LTBP1: variants seen among roughly 807,000 people sequenced by gnomAD.
The protein encoded by LTBP1 is latent transforming growth factor beta binding protein 1, also known as latent-transforming growth factor beta-binding protein 1.
In LTBP1, 129 loss-of-function variants were observed where a neutral mutation model predicts 207.6. That is an observed-to-expected ratio of 0.62 (90% CI 0.54 to 0.72). The LOEUF (loss-of-function observed/expected upper bound fraction) is 0.72. Ranked by LOEUF, LTBP1 falls within the 30% of genes least tolerant of loss-of-function variation. LTBP1 has a pLI of 0.00. For synonymous variants in LTBP1, 963 were observed against 833.7 expected (o/e 1.16, Z -2.67); for missense variants, 2,281 against 2,217.2 (o/e 1.03, Z -0.58).
chr2:33,006,129 C>T (rs1021765850), intron 2 of LTBP1, among the ~76,000 whole-genome samples: 2 of 151,774 alleles, frequency 1.3e-5, no homozygotes, highest in Non-Finnish European at 2.9e-5. Flanking sequence ...TTTAAGAGAT[C>T]GTGGCTTGGT....
intron 12 of LTBP1, among the ~76,000 whole-genome samples, chr2:33,258,159 T>C (rs566435080): frequency 5.6e-4 from 86 of 152,362 alleles, no homozygotes; most frequent in African/African-American, 2.0e-3. Flanking sequence ...CAATGGACTT[T>C]GACTCTCTCT....
At chr2:32,980,564 T>C (rs1395523092) in intron 2 of LTBP1, among the ~76,000 whole-genome samples, 1 of 152,310 alleles carries the variant, frequency 6.6e-6, no homozygotes, top group East Asian at 1.9e-4. Context: ...CTTGAAAAGT[T>C]GTAGTTATTA....
intron 5 of LTBP1, among the ~76,000 whole-genome samples, chr2:33,174,373 G>C (rs1337874241): frequency 6.6e-6 from 1 of 152,066 alleles, no homozygotes; most frequent in Non-Finnish European, 1.5e-5. Flanking sequence ...CAGACAAACA[G>C]AGAGCCAAAT....
chr2:33,068,463 A>T (rs1369695749), intron 3 of LTBP1, among the ~76,000 whole-genome samples: 1 of 152,144 alleles, frequency 6.6e-6, no homozygotes, highest in Non-Finnish European at 1.5e-5. Flanking sequence ...TCCAGAGTCC[A>T]TAGTTTATAT....
rs529283926 is a variant in LTBP1 at position 33,068,941 on chromosome 2, A to G, written c.864-41641A>G. Among the ~76,000 whole-genome samples, 14 of 152,332 alleles carry G rather than the reference A, an allele frequency of 9.2e-5. 1 individual carries two copies. In the South Asian group the frequency reaches 2.9e-3, roughly 32 times the overall value. ...GAAAAAGTTTGCTAACCCCTGATTC[A>G]TATCAATGTTTAACTATTCTAACCA... is the stretch of plus-strand genomic sequence containing the variant. On this transcript the variant is annotated intron_variant, in intron 3 of 33. Coordinates refer to ENST00000404816, the MANE Select transcript of LTBP1 (RefSeq NM_206943.4).
At chr2:33,395,905 A>AT (rs376980446) in intron 32 of LTBP1, among the ~76,000 whole-genome samples, 31,809 of 144,314 alleles carry the variant, frequency 0.22, 3,833 homozygotes, top group African/African-American at 0.3. Flanking sequence ...TTCTAGCCAT[A>AT]TATTTTTTTT....
At chr2:33,166,053 T>C (rs2084887570) in intron 5 of LTBP1, among the ~76,000 whole-genome samples, 1 of 146,240 alleles carries the variant, frequency 6.8e-6, no homozygotes, top group African/African-American at 2.5e-5. Context: ...CACACCCCTC[T>C]ATGAGTAATG....
chr2:33,367,034 T>C (rs1290356769), intron 31 of LTBP1, among the ~76,000 whole-genome samples: 5 of 152,266 alleles, frequency 3.3e-5, no homozygotes, highest in Admixed American at 3.3e-4. Flanking sequence ...TTAAAGACAC[T>C]CACTTTTGAC....
intron 3 of LTBP1, among the ~76,000 whole-genome samples, chr2:33,087,084 CTTTTTTTTTTTT>C (rs35334788): frequency 6.7e-5 from 6 of 88,982 alleles, no homozygotes; most frequent in African/African-American, 1.6e-4. Flanking sequence ...CTCCTTTATG[CTTTTTTTTTTTT>C]TTTTTTTTTT....
At chr2:33,147,081 C>T (rs1188947137) in intron 5 of LTBP1, among the ~76,000 whole-genome samples, 1 of 152,188 alleles carries the variant, frequency 6.6e-6, no homozygotes, top group Non-Finnish European at 1.5e-5. Flanking sequence ...CTTCAAATGC[C>T]TGCCTTCTTC....
At chr2:33,389,431 C>G (rs545020352) in intron 32 of LTBP1, 125 bp downstream of exon 32, 1 of 1,336,908 alleles carries the variant, frequency 7.5e-7, no homozygotes, top group South Asian at 1.4e-5. Flanking sequence ...ACCTGCTGGT[C>G]AGAAAGTCTA....
intron 22 of LTBP1, 35 bp from the exon 23 acceptor site, chr2:33,309,399 A>C (rs1361746435): frequency 3.3e-6 from 5 of 1,520,362 alleles, no homozygotes; most frequent in Non-Finnish European, 4.5e-6. Flanking sequence ...TATGTGATTT[A>C]TTTAGTCTTT....
chr2:33,125,394 A>G (rs574080160), intron 4 of LTBP1, among the ~76,000 whole-genome samples: 1 of 152,308 alleles, frequency 6.6e-6, no homozygotes, highest in African/African-American at 2.4e-5. Flanking sequence ...CGAGTCTGCC[A>G]TTCATGTATA....
intron 5 of LTBP1, among the ~76,000 whole-genome samples, chr2:33,176,634 C>T (rs1010893138): frequency 1.3e-5 from 2 of 152,150 alleles, no homozygotes; most frequent in Non-Finnish European, 2.9e-5. Flanking sequence ...CAGCCCAGCA[C>T]TAGATTCTAG....
chr2:33,091,463 A>G (rs1299481932), intron 3 of LTBP1, among the ~76,000 whole-genome samples: 1 of 152,198 alleles, frequency 6.6e-6, no homozygotes, highest in East Asian at 1.9e-4. Flanking sequence ...TGAGTAGAAG[A>G]GCTGAGGTTC....
chr2:33,366,752 G>C (rs150733906), intron 31 of LTBP1, among the ~76,000 whole-genome samples: 12 of 152,170 alleles, frequency 7.9e-5, no homozygotes, highest in African/African-American at 2.7e-4. Flanking sequence ...GGTAGAGCAG[G>C]GGGTAATTAC....
chr2:33,162,337 T>C (rs2084541809), intron 5 of LTBP1, among the ~76,000 whole-genome samples: 1 of 152,260 alleles, frequency 6.6e-6, no homozygotes, highest in African/African-American at 2.4e-5. Flanking sequence ...ATTTTTCTTG[T>C]TTGCTTTAGG....
intron 5 of LTBP1, among the ~76,000 whole-genome samples, chr2:33,186,343 C>T (rs1193991187): frequency 1.3e-5 from 2 of 152,092 alleles, no homozygotes; most frequent in Non-Finnish European, 2.9e-5. Context: ...AATGCGTAAT[C>T]ACATCATGGA....
chr2:33,176,515 AT>A (rs1305644181), intron 5 of LTBP1, among the ~76,000 whole-genome samples: 1 of 150,866 alleles, frequency 6.6e-6, no homozygotes, highest in Non-Finnish European at 1.5e-5. Context: ...GTGAGCCACC[AT>A]GCCTGGCTGA....
Sources: allele counts gnomAD v4.1 joint callset (sites outside exome capture counted in the v4.1 genomes callset), GRCh38; gene constraint gnomAD v4.1.1; transcripts MANE v1.5; gene names NCBI Gene and HGNC (gene_info 2026-07-23, HGNC 2026-07-21).